The following FAT2 variants were observed in gnomAD, a reference collection of about 807,000 sequenced individuals.
FAT2 encodes the protein FAT atypical cadherin 2.
Under a neutral mutation model 295.3 loss-of-function variants are expected in FAT2, and 150 were observed. The observed-to-expected ratio is 0.51, with a 90% CI of 0.44 to 0.58. The LOEUF is 0.58. Among genes scored for constraint, FAT2 ranks in the 20% least tolerant of loss-of-function variants. FAT2 has a pLI of 0.00. For missense variants in FAT2, 4,868 were observed against 5,442.7 expected (o/e 0.89, Z 3.32); for synonymous variants, 2,026 against 2,150.3 (o/e 0.94, Z 1.60).
rs1039417840 is a variant in FAT2 at position 151,568,779 on chromosome 5, A to G, written c.153T>C (p.Tyr51=). 1 of 1,614,110 alleles carries G rather than the reference A, an allele frequency of 6.2e-7. No individual in the cohort carries two copies. Among genetic ancestry groups the G allele is most frequent in the South Asian group, 1.1e-5 (1 of 91,068 alleles). Residue 51 remains tyrosine (Y), a synonymous_variant, in exon 2 of 24, where the codon TAT becomes TAC. Coordinates refer to ENST00000261800, the MANE Select transcript of FAT2 (RefSeq NM_001447.3). ...TGCCCATTTTCTCGAAGCTCTCCAC[A>G]TAGGTCTTGGGAGAAGAATTTTCAT... is the stretch of plus-strand genomic sequence containing the variant. The part of the protein sequence containing the change: ...TIYENSSPKT[Y]VESFEKMGIY...
At position 151,568,675 on chromosome 5, in the gene FAT2, T is replaced by C. The variant is rs1758396589; in HGVS notation, c.257A>G (p.Glu86Gly). ...GDVANVFKTE[E>G]YVVGNFCFLR... ...GAAGCAGAAGTTGCCCACCACATAC[T>C]CCTCAGTTTTAAATACATTGGCCAC... The change falls in exon 2 of 24, where the codon GAG becomes GGG. Residue 86 changes from glutamate to glycine, a missense_variant. Glu to Gly is a moderately conservative substitution (Grantham distance 98). This residue lies in a region of FAT2 where 3,297 missense variants were observed against 3,669.4 expected (regional missense o/e 0.90). Transcript: ENST00000261800. 1 of 1,614,128 alleles carries C rather than the reference T, an allele frequency of 6.2e-7. No individual in the cohort carries two copies. Among genetic ancestry groups the C allele is most frequent in the Non-Finnish European group, 8.5e-7 (1 of 1,180,034 alleles).
chr5:151,561,143 T>C (rs1439621590), intron 3 of FAT2, among the ~76,000 whole-genome samples: 1 of 152,162 alleles, frequency 6.6e-6, no homozygotes, highest in Non-Finnish European at 1.5e-5. Flanking sequence ...AAAACTTCTC[T>C]AAGGAAAGAA....
At position 151,543,761 on chromosome 5, in the gene FAT2, C is replaced by T; in HGVS notation, c.7366G>A (p.Ala2456Thr). Residue 2456 changes from alanine (A) to threonine (T), a missense_variant, in exon 10 of 24, where the codon GCT (alanine) becomes ACT (threonine). Physicochemically the swap from Ala to Thr is moderately conservative, Grantham distance 58. Transcript: ENST00000261800. ...LDSSYNLRVG[A>T]SDGVFRATVP... ...GTTGCTCGGAAGACTCCATCAGAAGCACCTACCCTCAAATTGTAAGAAGAG... is the reference window on the plus strand; with the variant it reads ...GTTGCTCGGAAGACTCCATCAGAAGTACCTACCCTCAAATTGTAAGAAGAG... 1 of 1,614,210 alleles carries T rather than the reference C, an allele frequency of 6.2e-7. No individual in the cohort carries two copies. The highest frequency in any genetic ancestry group is 2.2e-5 in the East Asian group (1 of 44,884).
chr5:151,547,537 G>A (rs1003639681), intron 9 of FAT2, among the ~76,000 whole-genome samples: 1 of 152,186 alleles, frequency 6.6e-6, no homozygotes, highest in African/African-American at 2.4e-5. Flanking sequence ...TCAGTGGCAA[G>A]GCAAATGGCT....
In FAT2 at chr5:151,568,003, T is replaced by C; in HGVS notation, c.929A>G (p.Asn310Ser). The C allele has an allele frequency of 6.2e-7, 1 of 1,614,152 alleles. No individual in the cohort carries two copies. The highest frequency in any genetic ancestry group is 8.5e-7 in the Non-Finnish European group (1 of 1,180,020). ...TTTGACAGACACCAAACTGAACTCA[T>C]TGCTCCGGGCATAAGACTTGATGGC... ...FKAIKSYARS[N>S]EFSLVSVKDI... Residue 310 changes from asparagine to serine, a missense_variant, in exon 2 of 24, where the codon AAT becomes AGT. Asn to Ser is a conservative substitution (Grantham distance 46, BLOSUM62 1). Around this residue, in one of 5 missense-constraint regions of FAT2, gnomAD observed 3,297 missense variants for 3,669.4 expected, o/e 0.90. Transcript: ENST00000261800.
intron 23 of FAT2, among the ~76,000 whole-genome samples, chr5:151,506,924 A>G (rs533552703): frequency 6.6e-6 from 1 of 152,272 alleles, no homozygotes; most frequent in East Asian, 1.9e-4. Context: ...ATGAACCTCA[A>G]TCCCATGGAG....
Position 151,563,381 on chromosome 5 carries a change from G to A in FAT2, c.3518C>T (p.Thr1173Ile), listed in dbSNP as rs1758110399. The part of the protein sequence containing the change: ...DPDSSSKGKL[T>I]FNITSGNYMG... The stretch of plus-strand genomic sequence containing the variant: ...GTAGTTCCCACTGGTGATGTTGAAG[G>A]TCAGCTTCCCTTTGGAGCTGGAGTC... The change falls in exon 3 of 24, where the codon ACC becomes ATC. Residue 1173 changes from threonine to isoleucine, a missense_variant. Thr to Ile is a moderately conservative substitution (Grantham distance 89). This residue lies in a region of FAT2 where 3,297 missense variants were observed against 3,669.4 expected (regional missense o/e 0.90). Transcript: ENST00000261800. 1 of 1,614,222 alleles carries A rather than the reference G, an allele frequency of 6.2e-7. No individual in the cohort carries two copies. The highest frequency in any genetic ancestry group is 8.5e-7 in the Non-Finnish European group (1 of 1,180,034).
At chr5:151,533,558 C>A (rs917914312) in intron 13 of FAT2, among the ~76,000 whole-genome samples, 1 of 152,064 alleles carries the variant, frequency 6.6e-6, no homozygotes, top group East Asian at 1.9e-4. Flanking sequence ...TCTAGGAAAT[C>A]TTAATTTTAC....
rs1415320472 is a variant in FAT2 at position 151,505,701 on chromosome 5, G to A, written c.12914C>T (p.Ala4305Val). Residue 4305 changes from alanine (A) to valine (V), a missense_variant, in exon 24 of 24, where the codon GCT (alanine) becomes GTT (valine). Around this residue, in one of 5 missense-constraint regions of FAT2, gnomAD observed 492 missense variants for 482.6 expected, o/e 1.02. Transcript: ENST00000261800. ...CTCACAGACAGCATAAGAGGGCCCA[G>A]CTCGGCTGAGGCGCATACCCACCCC... ...YKGVGMRLSR[A>V]GPSYAVCEVE... 9.3e-6 allele frequency: 15 copies of A among 1,613,864 alleles called. No homozygotes were observed. The Admixed American group carries it at 2.5e-4, about 27-fold the overall frequency.
chr5:151,543,427 G>GCTA lies in FAT2; in HGVS notation c.7697_7699dup (p.Val2566dup). 1 of 1,614,084 alleles carries GCTA rather than the reference G, an allele frequency of 6.2e-7. No individual in the cohort carries two copies. The highest frequency in any genetic ancestry group is 8.5e-7 in the Non-Finnish European group (1 of 1,179,998). On this transcript the variant is annotated inframe_insertion, in exon 10 of 24. Transcript: ENST00000261800. ...GAGGATGATCTTCACCGTGCAGAAG[G>GCTA]CTACTCTTCCTCCTCCATCCCGAGC...
In FAT2 at chr5:151,582,594, T is replaced by C. The variant is rs982956069; in HGVS notation, c.-21+8571A>G. ...CTGCTGAACAAGGGAACCATCTCTT[T>C]CTTTAGGATCATACTCTCTACCATG... On this transcript the variant is annotated intron_variant, in intron 1 of 23. Coordinates refer to ENST00000261800, the MANE Select transcript of FAT2 (RefSeq NM_001447.3). 2.0e-4 allele frequency among the ~76,000 whole-genome samples: 30 copies of C among 152,228 alleles called. 1 individual carries two copies. The highest frequency in any genetic ancestry group is 7.2e-4 in the African/African-American group (30 of 41,444).
chr5:151,538,603 A>G (rs543482741), intron 11 of FAT2, among the ~76,000 whole-genome samples: 8 of 152,308 alleles, frequency 5.3e-5, no homozygotes, highest in African/African-American at 1.9e-4. Flanking sequence ...GCCTGCAAGC[A>G]TCATGGTTTC....
intron 3 of FAT2, among the ~76,000 whole-genome samples, chr5:151,557,765 A>G (rs1757826194): frequency 6.6e-6 from 1 of 152,212 alleles, no homozygotes; most frequent in South Asian, 2.1e-4. Flanking sequence ...CTGACAACCA[A>G]TTCAATTCTG....
At chr5:151,573,095 A>G (rs78135900) in intron 1 of FAT2, among the ~76,000 whole-genome samples, 270 of 152,282 alleles carry the variant, frequency 1.8e-3, no homozygotes, top group African/African-American at 6.1e-3. Context: ...CTCTGCCTCC[A>G]TGTAACTCCC....
chr5:151,589,210 C>T (rs1759302213), intron 1 of FAT2, among the ~76,000 whole-genome samples: 1 of 152,120 alleles, frequency 6.6e-6, no homozygotes, highest in Non-Finnish European at 1.5e-5. Flanking sequence ...AGGCATGTCC[C>T]CAACCGTACC....
In FAT2 at chr5:151,565,774, A is replaced by C; in HGVS notation, c.3158T>G (p.Val1053Gly). 1 of 1,614,066 alleles carries C rather than the reference A, an allele frequency of 6.2e-7. No homozygotes were observed. Residue 1053 changes from valine (V) to glycine (G), a missense_variant, in exon 2 of 24, where the codon GTA becomes GGA. Transcript: ENST00000261800. Reference sequence around the variant, plus strand: ...ACTGTCATCGTCCTGGGCAGCCACTACAATCACCTGAGTTCCCGAGGGGCT... The same window carrying C: ...ACTGTCATCGTCCTGGGCAGCCACTCCAATCACCTGAGTTCCCGAGGGGCT... ...ENSPSGTQVIVVAAQDDDSGL... is the reference protein window; with the variant it reads ...ENSPSGTQVIGVAAQDDDSGL...
At chr5:151,576,940 C>G (rs1353574502) in intron 1 of FAT2, among the ~76,000 whole-genome samples, 1 of 152,136 alleles carries the variant, frequency 6.6e-6, no homozygotes, top group Non-Finnish European at 1.5e-5. Flanking sequence ...TCCTACTCTA[C>G]TGAATACTGT....
chr5:151,588,065 G>A (rs745664042), intron 1 of FAT2, among the ~76,000 whole-genome samples: 10 of 152,158 alleles, frequency 6.6e-5, no homozygotes, highest in African/African-American at 1.7e-4. Context: ...AGGGTTCTTC[G>A]AGTTGTACAG....
At chr5:151,593,959 C>T (rs765870753), upstream of FAT2, among the ~76,000 whole-genome samples, 22 of 152,036 alleles carry the variant, frequency 1.4e-4, 1 homozygote, top group East Asian at 5.8e-4. Context: ...GCCAAGATCA[C>T]GCCACTGCAC....
Sources: gnomAD v4.1 joint callset for allele counts (sites outside exome capture counted in the v4.1 genomes callset) on GRCh38, gnomAD v4.1.1 for gene constraint, gnomAD v4.1.1 regional missense constraint, MANE v1.5 for transcripts, NCBI Gene and HGNC (gene_info 2026-07-23, HGNC 2026-07-21) for gene names.